The following FIS1 variants were observed in gnomAD, a reference collection of about 807,000 sequenced individuals.
The protein encoded by FIS1 is fission, mitochondrial 1.
Under a neutral mutation model 21.6 loss-of-function variants are expected in FIS1, and 16 were observed. That is an observed-to-expected ratio of 0.74 (90% CI 0.50 to 1.12). The LOEUF (loss-of-function observed/expected upper bound fraction) is 1.12. Among genes scored for constraint, FIS1 ranks in the 50% most tolerant of loss-of-function variants. The probability of loss-of-function intolerance (pLI) is 0.00; values close to 1 mark genes in which losing one functional copy is unlikely to be tolerated. For synonymous variants in FIS1, 92 were observed against 82.2 expected, an observed-to-expected ratio of 1.12 and a Z score of -0.65; for missense variants, 198 against 190.9, an observed-to-expected ratio of 1.04 and a Z score of -0.22.
Position 101,239,828 on chromosome 7 carries a change from G to C in FIS1, c.437C>G (p.Ala146Gly). Residue 146 changes from alanine to glycine, a missense_variant, in exon 5 of 5, where the codon GCT becomes GGT. By Grantham distance (60) the Ala-to-Gly change is moderately conservative. Coordinates refer to ENST00000223136, the MANE Select transcript of FIS1 (RefSeq NM_016068.3). ...VAGLAGLIGL[A>G]VSKSKS ...CCTTCAGGATTTGGACTTGGACACAGCAAGTCCGATGAGTCCGGCCAGTCC... is the reference window on the plus strand; with the variant it reads ...CCTTCAGGATTTGGACTTGGACACACCAAGTCCGATGAGTCCGGCCAGTCC... 6.3e-7 allele frequency: 1 copy of C among 1,596,408 alleles called. No homozygotes were observed. The highest frequency in any genetic ancestry group is 8.5e-7 in the Non-Finnish European group (1 of 1,171,266).
intron 3 of FIS1, 45 bp downstream of exon 3, chr7:101,240,785 C>T: frequency 1.3e-6 from 2 of 1,591,152 alleles, no homozygotes; most frequent in Non-Finnish European, 1.7e-6. Flanking sequence ...TAAGAAGGTC[C>T]TGCAGCCCCA....
intron 3 of FIS1, 51 bp from the exon 4 acceptor site, chr7:101,240,298 T>C: frequency 6.3e-7 from 1 of 1,578,608 alleles, no homozygotes; most frequent in Non-Finnish European, 8.7e-7. Flanking sequence ...TGTTTTTTTG[T>C]TTGTTTGTTT....
intron 1 of FIS1, chr7:101,244,577 G>C (rs1408042097): frequency 2.7e-6 from 1 of 364,758 alleles, no homozygotes; most frequent in Non-Finnish European, 5.1e-6. Context: ...TACAAAGACT[G>C]AGATCTGGCA....
chr7:101,244,962 G>A lies in FIS1; in HGVS notation c.43C>T (p.Leu15=). Residue 15 remains leucine (L), a splice_region_variant and synonymous_variant, in exon 1 of 5, where the codon CTG becomes TTG. Transcript: ENST00000223136. ...LNELVSVEDL[L]KFEKKFQSEK... is the part of the protein sequence containing the mutation. ...CCTCTGTCCGGGCCAGGCCTCACCA[G>A]CAGGTCCTCCACAGACACCAGCTCG... is the stretch of plus-strand genomic sequence containing the variant. The A allele has an allele frequency of 1.2e-6, 2 of 1,614,038 alleles. No individual in the cohort carries two copies. Among genetic ancestry groups the A allele is most frequent in the South Asian group, 2.2e-5 (2 of 91,072 alleles).
chr7:101,241,637 CTT>C (rs543633716), intron 2 of FIS1: 19 of 116,662 alleles, frequency 1.6e-4, no homozygotes, highest in African/African-American at 3.6e-4. Context: ...GTCTTCCTTC[CTT>C]TTTTTTTTTT....
In FIS1 at chr7:101,239,833, T is replaced by C. The variant is rs1287659616; in HGVS notation, c.432A>G (p.Gly144=). ...LGVAGLAGLI[G]LAVSKSKS is the part of the protein sequence containing the mutation. ...AGGATTTGGACTTGGACACAGCAAGTCCGATGAGTCCGGCCAGTCCCGCCA... is the reference window on the plus strand; with the variant it reads ...AGGATTTGGACTTGGACACAGCAAGCCCGATGAGTCCGGCCAGTCCCGCCA... The change falls in exon 5 of 5, where the codon GGA becomes GGG. Residue 144 remains glycine, a synonymous_variant. Coordinates refer to ENST00000223136, the MANE Select transcript of FIS1 (RefSeq NM_016068.3). 1.3e-6 allele frequency: 2 copies of C among 1,596,124 alleles called. No homozygotes were observed. Among genetic ancestry groups the C allele is most frequent in the Non-Finnish European group, 1.7e-6 (2 of 1,171,300 alleles).
At chr7:101,240,343 C>T (rs1798726970) in intron 3 of FIS1, 96 bp from the exon 4 acceptor site, 4 of 1,262,306 alleles carry the variant, frequency 3.2e-6, no homozygotes, top group South Asian at 1.2e-5. Context: ...CTGTTGCCCA[C>T]GCTGGACGGC....
rs1190739640 is a variant in FIS1, at chr7:101,239,672, G to A, written c.*134C>T. 1.3e-6 allele frequency: 1 copy of A among 771,194 alleles called. No individual in the cohort carries two copies. The highest frequency in any genetic ancestry group is 2.3e-6 in the Non-Finnish European group (1 of 442,128). 47.8% of individuals were successfully genotyped at this position (771,194 alleles called of 1,614,324 possible). A position where few individuals can be genotyped will look rare whatever the true frequency, so the allele number is the denominator to read the frequency against. On this transcript the variant is annotated 3_prime_UTR_variant, in exon 5 of 5. Transcript: ENST00000223136. ...CCCAAAGCACATGATGGGGCTGAAGGACGAATCTCAGGGGAGCAGAAATTA... is the reference window on the plus strand; with the variant it reads ...CCCAAAGCACATGATGGGGCTGAAGAACGAATCTCAGGGGAGCAGAAATTA...
At chr7:101,240,017 C>CA in intron 4 of FIS1, 114 bp from the exon 5 acceptor site, 1 of 1,412,526 alleles carries the variant, frequency 7.1e-7, no homozygotes, top group Non-Finnish European at 9.8e-7. Flanking sequence ...AGTCGCAGGG[C>CA]AAGGGGCTCT....
At chr7:101,244,813 G>C (rs1178055716) in intron 1 of FIS1, 147 bp downstream of exon 1, 1 of 936,766 alleles carries the variant, frequency 1.1e-6, no homozygotes, top group African/African-American at 1.6e-5. Flanking sequence ...CTCCGGGCAG[G>C]AGCCAGGCGC....
At chr7:101,241,123 T>G in intron 2 of FIS1, 1 of 586,616 alleles carries the variant, frequency 1.7e-6, no homozygotes, top group South Asian at 2.0e-5. Context: ...TGACAGAACA[T>G]GCCTTTTATC....
Position 101,245,071 on chromosome 7 carries a change from G to C in FIS1, c.-67C>G. 6.4e-7 allele frequency: 1 copy of C among 1,557,014 alleles called. No individual in the cohort carries two copies. The highest frequency in any genetic ancestry group is 8.8e-7 in the Non-Finnish European group (1 of 1,142,082). On this transcript the variant is annotated 5_prime_UTR_variant, in exon 1 of 5. Transcript: ENST00000223136. ...CACAGTCTCCATGGCCCAGTGGCAG[G>C]GGCGGAGAACCACTTCCGGCGTCCG... is the stretch of plus-strand genomic sequence containing the variant.
rs775386886 is a variant in FIS1, at chr7:101,239,917, G to C, written c.362-14C>G. On this transcript the variant is annotated splice_polypyrimidine_tract_variant and intron_variant, in intron 4 of 4. Transcript: ENST00000223136. ...CCACGAGTCCATCTGGGGAAGGAAAGGGACAGTGTCAGGAGCCCGGCCCCT... is the reference window on the plus strand; with the variant it reads ...CCACGAGTCCATCTGGGGAAGGAAACGGACAGTGTCAGGAGCCCGGCCCCT... The C allele has an allele frequency of 3.1e-6, 5 of 1,591,186 alleles. No individual in the cohort carries two copies. Among genetic ancestry groups the C allele is most frequent in the Non-Finnish European group, 3.4e-6 (4 of 1,167,774 alleles).
chr7:101,244,612 A>C (rs1349124651), intron 1 of FIS1: 3 of 418,720 alleles, frequency 7.2e-6, no homozygotes, highest in African/African-American at 2.0e-5. Flanking sequence ...ACCGTGCCGG[A>C]CGCAGTAATA....
chr7:101,244,755 G>A (rs774096849), intron 1 of FIS1: 27 of 603,088 alleles, frequency 4.5e-5, no homozygotes, highest in African/African-American at 7.5e-5. Flanking sequence ...GAGGTGTGGG[G>A]GGCTCAGGAC....
chr7:101,244,860 C>T (rs946945846), intron 1 of FIS1, 100 bp downstream of exon 1: 2 of 1,485,650 alleles, frequency 1.3e-6, no homozygotes, highest in African/African-American at 1.4e-5. Context: ...CGGCTTCCCT[C>T]GGCCAAGCCG....
intron 1 of FIS1, chr7:101,244,610 G>A: frequency 2.4e-6 from 1 of 414,686 alleles, no homozygotes; most frequent in South Asian, 3.2e-5. Context: ...GCACCGTGCC[G>A]GACGCAGTAA....
rs1226997254 is a variant in FIS1, at chr7:101,240,220, G to T, written c.283C>A (p.Arg95Ser). 1 of 1,614,112 alleles carries T rather than the reference G, an allele frequency of 6.2e-7. No homozygotes were observed. ...TGGGGCTCTGTCTGCAGCAACCCGC[G>T]GACGTACTTTAAGGCCTTCTCGTAT... is the stretch of plus-strand genomic sequence containing the variant. ...KEYEKALKYV[R>S]GLLQTEPQNN... Residue 95 changes from arginine to serine, a missense_variant, in exon 4 of 5, where the codon CGC becomes AGC. Coordinates refer to ENST00000223136, the MANE Select transcript of FIS1 (RefSeq NM_016068.3).
rs776254079 is a variant in FIS1 at position 101,244,996 on chromosome 7, G to C, written c.9C>G (p.Ala3=). The C allele has an allele frequency of 1.2e-6, 2 of 1,613,798 alleles. No homozygotes were observed. The highest frequency in any genetic ancestry group is 4.5e-5 in the East Asian group (2 of 44,890). The change falls in exon 1 of 5, where the codon GCC becomes GCG. Residue 3 remains alanine, a synonymous_variant. Coordinates refer to ENST00000223136, the MANE Select transcript of FIS1 (RefSeq NM_016068.3). ...CCACAGACACCAGCTCGTTCAGCAC[G>C]GCCTCCATGGCCACTGCCCCCGCGA... is the stretch of plus-strand genomic sequence containing the variant. ME[A]VLNELVSVED... is the part of the protein sequence containing the mutation.
Sources: allele counts gnomAD v4.1 joint callset, GRCh38; gene constraint gnomAD v4.1.1; transcripts MANE v1.5; gene names NCBI Gene and HGNC (gene_info 2026-07-23, HGNC 2026-07-21).